The following PLBD1 variants were observed in gnomAD, a reference collection of about 807,000 sequenced individuals.
The protein encoded by PLBD1 is phospholipase B domain containing 1, also known as lysosomal leucine aminopeptidase.
In PLBD1, 60 loss-of-function variants were observed where a neutral mutation model predicts 63.0. The observed-to-expected ratio is 0.95, with a 90% CI of 0.77 to 1.18. The LOEUF (loss-of-function observed/expected upper bound fraction) is 1.18, where lower values mean the gene tolerates loss of function less well. Ranked by LOEUF, PLBD1 falls within the 50% of genes most tolerant of loss-of-function variation. The pLI is 0.00. For missense variants in PLBD1, 598 were observed against 677.9 expected (o/e 0.88, Z 1.31); for synonymous variants, 262 against 248.0 (o/e 1.06, Z -0.53).
At chr12:14,518,024 T>C (rs1329890751) in intron 6 of PLBD1, among the ~76,000 whole-genome samples, 2 of 152,068 alleles carry the variant, frequency 1.3e-5, no homozygotes, top group Admixed American at 1.3e-4. Flanking sequence ...CTACTAAAAA[T>C]ACAAAAATTA....
Position 14,503,974 on chromosome 12 carries a change from G to C in PLBD1, c.1480-20C>G, listed in dbSNP as rs1945227006. 5 of 1,572,642 alleles carry C rather than the reference G, an allele frequency of 3.2e-6. No homozygotes were observed. The highest frequency in any genetic ancestry group is 2.7e-5 in the African/African-American group (2 of 73,540). On this transcript the variant is annotated intron_variant, in intron 10 of 10. Coordinates refer to ENST00000240617, the MANE Select transcript of PLBD1 (RefSeq NM_024829.6). ...TGCCACCTGGAAAGAGGGAGGAGGA[G>C]GACATTTTAGAAAATCATCGTTCAG...
At chr12:14,564,988 A>G (rs1945769341) in intron 1 of PLBD1, among the ~76,000 whole-genome samples, 1 of 152,224 alleles carries the variant, frequency 6.6e-6, no homozygotes, top group African/African-American at 2.4e-5. Context: ...ACCACTTAGA[A>G]AAAATTATAT....
intron 6 of PLBD1, among the ~76,000 whole-genome samples, chr12:14,526,171 T>G (rs1007079787): frequency 2.0e-5 from 3 of 152,156 alleles, no homozygotes; most frequent in African/African-American, 7.2e-5. Context: ...TAAATGTAAA[T>G]GACCCAAACA....
At chr12:14,554,943 T>C (rs530949065) in intron 1 of PLBD1, among the ~76,000 whole-genome samples, 2 of 152,176 alleles carry the variant, frequency 1.3e-5, no homozygotes, top group Admixed American at 6.5e-5. Flanking sequence ...ATCGTGGTGT[T>C]TTCTCTCTCA....
At chr12:14,564,083 T>A (rs1359873962) in intron 1 of PLBD1, among the ~76,000 whole-genome samples, 1 of 148,964 alleles carries the variant, frequency 6.7e-6, no homozygotes, top group African/African-American at 2.5e-5. Context: ...CTACAAATAA[T>A]TTTTTTTTTT....
chr12:14,536,469 A>T, intron 5 of PLBD1, 101 bp downstream of exon 5: 1 of 1,296,952 alleles, frequency 7.7e-7, no homozygotes, highest in Non-Finnish European at 1.1e-6. Context: ...GAGCTGATAT[A>T]CAGTTATAGC....
intron 2 of PLBD1, among the ~76,000 whole-genome samples, chr12:14,545,936 C>G (rs898816116): frequency 2.6e-5 from 4 of 152,188 alleles, no homozygotes; most frequent in Admixed American, 6.5e-5. Flanking sequence ...TTTCTACCAC[C>G]TCTTAATACA....
intron 2 of PLBD1, among the ~76,000 whole-genome samples, chr12:14,543,708 G>C (rs139507837): frequency 0.026 from 3,971 of 152,200 alleles, 72 homozygotes; most frequent in Middle Eastern, 0.068. Context: ...CTGGGCAACA[G>C]AGCAAGACTC....
At chr12:14,549,248 G>T (rs1945638459) in intron 2 of PLBD1, among the ~76,000 whole-genome samples, 1 of 152,184 alleles carries the variant, frequency 6.6e-6, no homozygotes, top group Admixed American at 6.5e-5. Context: ...GACATCTGGG[G>T]TCTATAAAAA....
Position 14,503,897 on chromosome 12 carries a change from C to T in PLBD1, c.1537G>A (p.Val513Ile), listed in dbSNP as rs1274111485. ...YTSYAISGPT[V>I]QGGLPVFRWD... Reference sequence around the variant, plus strand: ...CGAAAAACAGGGAGGCCACCTTGTACTGTGGGACCACTTATGGCATAGGAT... The same window carrying T: ...CGAAAAACAGGGAGGCCACCTTGTATTGTGGGACCACTTATGGCATAGGAT... Residue 513 changes from valine (V) to isoleucine (I), a missense_variant, in exon 11 of 11, where the codon GTA becomes ATA. Coordinates refer to ENST00000240617, the MANE Select transcript of PLBD1 (RefSeq NM_024829.6). 3 of 1,613,920 alleles carry T rather than the reference C, an allele frequency of 1.9e-6. No individual in the cohort carries two copies. In the African/African-American group the frequency reaches 4.0e-5, roughly 22 times the overall value.
At chr12:14,534,583 G>C (rs1479551514) in intron 6 of PLBD1, among the ~76,000 whole-genome samples, 2 of 141,232 alleles carry the variant, frequency 1.4e-5, no homozygotes, top group Non-Finnish European at 3.0e-5. Flanking sequence ...TCGCTCTGTC[G>C]CCCAGGCTGG....
intron 6 of PLBD1, among the ~76,000 whole-genome samples, chr12:14,532,659 C>A (rs1231449175): frequency 6.6e-6 from 1 of 152,182 alleles, no homozygotes; most frequent in Non-Finnish European, 1.5e-5. Context: ...TGAACCCATG[C>A]GTGGGCAGGA....
intron 1 of PLBD1, among the ~76,000 whole-genome samples, chr12:14,557,957 A>C (rs1176326943): frequency 1.3e-5 from 2 of 152,088 alleles, no homozygotes; most frequent in African/African-American, 4.8e-5. Context: ...ATTATTCACA[A>C]TAGCAAAGAC....
chr12:14,526,509 A>C (rs1945416433), intron 6 of PLBD1, among the ~76,000 whole-genome samples: 1 of 152,246 alleles, frequency 6.6e-6, no homozygotes, highest in Non-Finnish European at 1.5e-5. Flanking sequence ...AGTAGTAATT[A>C]AGGTACATCT....
At chr12:14,525,898 A>C (rs139258330) in intron 6 of PLBD1, among the ~76,000 whole-genome samples, 19 of 152,344 alleles carry the variant, frequency 1.2e-4, no homozygotes, top group African/African-American at 4.3e-4. Flanking sequence ...TTTTTAGCAG[A>C]CATAATTGCT....
chr12:14,555,424 C>T (rs907008266), intron 1 of PLBD1, among the ~76,000 whole-genome samples: 21 of 152,160 alleles, frequency 1.4e-4, no homozygotes, highest in African/African-American at 4.3e-4. Flanking sequence ...GTAATCCCAG[C>T]TACACGGGAG....
At chr12:14,514,353 T>A (rs1193269503) in intron 6 of PLBD1, among the ~76,000 whole-genome samples, 4 of 152,186 alleles carry the variant, frequency 2.6e-5, no homozygotes, top group Non-Finnish European at 5.9e-5. Context: ...TGGTAGATAA[T>A]CCCTGTAGGG....
intron 9 of PLBD1, among the ~76,000 whole-genome samples, chr12:14,506,608 G>A (rs1313364284): frequency 6.6e-6 from 1 of 152,088 alleles, no homozygotes; most frequent in Non-Finnish European, 1.5e-5. Flanking sequence ...TATGAACAAT[G>A]TTTTGTTTTA....
chr12:14,540,013 CATA>C (rs1317790915), intron 4 of PLBD1, among the ~76,000 whole-genome samples: 1 of 22,780 alleles, frequency 4.4e-5, no homozygotes, highest in African/African-American at 9.8e-5. Context: ...AAGCTATGCA[CATA>C]TATATATATA....
Sources: allele counts gnomAD v4.1 joint callset (sites outside exome capture counted in the v4.1 genomes callset), GRCh38; gene constraint gnomAD v4.1.1; transcripts MANE v1.5; gene names NCBI Gene and HGNC (gene_info 2026-07-23, HGNC 2026-07-21).